MCTP1: variants seen among roughly 807,000 people sequenced by gnomAD.
The protein encoded by MCTP1 is multiple C2 and transmembrane domain-containing protein 1.
In MCTP1, 69 loss-of-function variants were observed where a neutral mutation model predicts 120.6. That is an observed-to-expected ratio of 0.57 (90% confidence interval 0.47 to 0.70). The LOEUF is 0.70. Among genes scored for constraint, MCTP1 ranks in the 30% least tolerant of loss-of-function variants. The probability of loss-of-function intolerance (pLI) is 0.00; values close to 1 mark genes in which losing one functional copy is unlikely to be tolerated. For missense variants in MCTP1, 1,203 were observed against 1,248.8 expected (o/e 0.96, Z 0.55); for synonymous variants, 529 against 493.1 (o/e 1.07, Z -0.96).
chr5:94,808,541 T>G (rs1393676128), intron 17 of MCTP1, among the ~76,000 whole-genome samples: 2 of 152,164 alleles, frequency 1.3e-5, no homozygotes, highest in African/African-American at 4.8e-5. Flanking sequence ...CATCTCTCCC[T>G]TCTCTTAATT....
intron 2 of MCTP1, among the ~76,000 whole-genome samples, chr5:94,992,727 C>G (rs889186608): frequency 1.3e-5 from 2 of 152,178 alleles, no homozygotes; most frequent in Non-Finnish European, 2.9e-5. Context: ...GAACTCTACA[C>G]TTGTCCCAGA....
chr5:95,132,938 T>C (rs529242456), intron 1 of MCTP1, among the ~76,000 whole-genome samples: 1 of 152,318 alleles, frequency 6.6e-6, no homozygotes, highest in South Asian at 2.1e-4. Flanking sequence ...AATAAGTACA[T>C]TCCTCCATGC....
At chr5:94,723,849 T>C (rs1164164722) in intron 19 of MCTP1, among the ~76,000 whole-genome samples, 1 of 139,156 alleles carries the variant, frequency 7.2e-6, no homozygotes, top group Non-Finnish European at 1.6e-5. Flanking sequence ...AATGTTAAAA[T>C]AAAAGCCAGG....
intron 19 of MCTP1, among the ~76,000 whole-genome samples, chr5:94,721,157 C>G (rs959359276): frequency 4.6e-5 from 7 of 152,104 alleles, no homozygotes; most frequent in African/African-American, 1.4e-4. Context: ...TGAGAATCAC[C>G]ATAGAGCTAA....
chr5:94,912,428 CAAAAAAAAAAAAAAAAAAAAA>C (rs564439495), intron 9 of MCTP1, among the ~76,000 whole-genome samples: 2 of 31,424 alleles, frequency 6.4e-5, no homozygotes, highest in South Asian at 2.2e-3. Context: ...GAGACTCCAT[CAAAAAAAAAAAAAAAAAAAAA>C]AAAAAAAAAA....
At chr5:94,978,779 TACA>T (rs1828709107) in intron 2 of MCTP1, among the ~76,000 whole-genome samples, 1 of 152,144 alleles carries the variant, frequency 6.6e-6, no homozygotes, top group African/African-American at 2.4e-5. Flanking sequence ...AGATCTGCTG[TACA>T]ACATTGCTCC....
intron 1 of MCTP1, among the ~76,000 whole-genome samples, chr5:95,090,931 G>A (rs937477002): frequency 6.6e-6 from 1 of 152,108 alleles, no homozygotes; most frequent in Non-Finnish European, 1.5e-5. Flanking sequence ...TACTAGGTTG[G>A]TGCAAAAGTG....
rs150862757 is a variant in MCTP1, at chr5:95,267,429, C to T, written c.720+16427G>A. Among the ~76,000 whole-genome samples, 166 of 152,302 alleles carry T rather than the reference C, an allele frequency of 1.1e-3. 2 individuals are homozygous for T. The highest frequency in any genetic ancestry group is 3.8e-3 in the African/African-American group (157 of 41,564). ...TCTCCCCTGAGCACTGATAATGAGA[C>T]ATCAGATTGCATTTCTTGCCTTCAT... On this transcript the variant is annotated intron_variant, in intron 1 of 22. Coordinates refer to ENST00000515393, the MANE Select transcript of MCTP1 (RefSeq NM_024717.7).
At chr5:95,185,447 A>G (rs1242967161) in intron 1 of MCTP1, among the ~76,000 whole-genome samples, 1 of 152,180 alleles carries the variant, frequency 6.6e-6, no homozygotes. Flanking sequence ...TGGCACAGAA[A>G]AGGCAGCTAA....
chr5:94,992,327 G>A (rs1250419605), intron 2 of MCTP1, among the ~76,000 whole-genome samples: 1 of 151,760 alleles, frequency 6.6e-6, no homozygotes, highest in African/African-American at 2.4e-5. Flanking sequence ...GATGAAAACA[G>A]ATTATCAGAG....
chr5:95,090,169 T>G lies in MCTP1; in HGVS notation c.721-72685A>C, dbSNP rs185901647. 4.2e-3 allele frequency among the ~76,000 whole-genome samples: 640 copies of G among 152,362 alleles called. 6 individuals carry two copies. Among genetic ancestry groups the G allele is most frequent in the African/African-American group, 0.015 (626 of 41,588 alleles). On this transcript the variant is annotated intron_variant, in intron 1 of 22. Coordinates refer to ENST00000515393, the MANE Select transcript of MCTP1 (RefSeq NM_024717.7). ...AATCGGACAACCTAGGCATAAATTA[T>G]GTCTCTGTCAGTTACCTACTGTGTT...
intron 1 of MCTP1, among the ~76,000 whole-genome samples, chr5:95,137,516 G>T (rs115645669): frequency 6.6e-6 from 1 of 152,312 alleles, no homozygotes; most frequent in Non-Finnish European, 1.5e-5. Context: ...TTCTAGCAAA[G>T]ATTTTGCCTC....
At chr5:94,868,818 T>C (rs1797309242) in intron 16 of MCTP1, among the ~76,000 whole-genome samples, 1 of 151,988 alleles carries the variant, frequency 6.6e-6, no homozygotes, top group South Asian at 2.1e-4. Flanking sequence ...AATGGTTTAA[T>C]TTCAAGACAT....
intron 19 of MCTP1, among the ~76,000 whole-genome samples, chr5:94,725,429 T>A (rs1011752196): frequency 9.9e-5 from 15 of 152,228 alleles, no homozygotes; most frequent in African/African-American, 3.1e-4. Flanking sequence ...ACTGAGCTTG[T>A]TTCTGATTCC....
chr5:94,863,091 G>A (rs1050627386), intron 17 of MCTP1, among the ~76,000 whole-genome samples: 1 of 151,790 alleles, frequency 6.6e-6, no homozygotes, highest in Non-Finnish European at 1.5e-5. Flanking sequence ...GTATTGTTTA[G>A]TAAGCTTAGT....
intron 1 of MCTP1, among the ~76,000 whole-genome samples, chr5:95,048,854 T>A (rs906548791): frequency 6.6e-6 from 1 of 152,188 alleles, no homozygotes; most frequent in Non-Finnish European, 1.5e-5. Context: ...ATCTTCCTCC[T>A]TGTAGAAAAG....
chr5:94,744,095 G>A (rs763432241), intron 19 of MCTP1, among the ~76,000 whole-genome samples: 17 of 150,994 alleles, frequency 1.1e-4, no homozygotes, highest in South Asian at 2.1e-4. Flanking sequence ...CTCAGCTTCC[G>A]GAGTAGCTGG....
At chr5:95,063,252 C>G (rs548107106) in intron 1 of MCTP1, among the ~76,000 whole-genome samples, 1 of 152,248 alleles carries the variant, frequency 6.6e-6, no homozygotes, top group African/African-American at 2.4e-5. Context: ...TGGAATGTGA[C>G]TGTGCCGGGG....
At chr5:95,102,184 C>T (rs2152372428) in intron 1 of MCTP1, among the ~76,000 whole-genome samples, 1 of 152,236 alleles carries the variant, frequency 6.6e-6, no homozygotes, top group South Asian at 2.1e-4. Context: ...CAAGCAGAGG[C>T]CTCAAGAGGT....
Sources: gnomAD v4.1 joint callset for allele counts (sites outside exome capture counted in the v4.1 genomes callset) on GRCh38, gnomAD v4.1.1 for gene constraint, MANE v1.5 for transcripts, NCBI Gene and HGNC (gene_info 2026-07-23, HGNC 2026-07-21) for gene names.